The following COL20A1 variants were observed in gnomAD, a reference collection of about 807,000 sequenced individuals.
COL20A1 encodes collagen type XX alpha 1 chain, also known as collagen alpha-1(XX) chain.
In COL20A1, 164 loss-of-function variants were observed where a neutral mutation model predicts 152.9. That is an observed-to-expected ratio of 1.07 (90% CI 0.94 to 1.22). The LOEUF (loss-of-function observed/expected upper bound fraction) is 1.22. COL20A1 is among the 50% of genes most tolerant of loss of function. COL20A1 has a pLI of 0.00. For synonymous variants in COL20A1, 864 were observed against 756.0 expected (o/e 1.14, Z -2.34); for missense variants, 1,873 against 1,744.8 (o/e 1.07, Z -1.31).
rs533540378 is a variant in COL20A1, at chr20:63,306,314, G to A, written c.496+275G>A. 7.2e-6 allele frequency among the ~76,000 whole-genome samples: 1 copy of A among 139,804 alleles called. No homozygotes were observed. The highest frequency in any genetic ancestry group is 7.0e-5 in the Admixed American group (1 of 14,228). The allele number at this position is 139,804 out of a possible 152,430, so 91.7% of individuals were successfully genotyped here. On this transcript the variant is annotated intron_variant, in intron 5 of 35. Transcript: ENST00000358894. This position sits in a 1 kb window ranked among gnomAD's most constrained non-coding sequence, Gnocchi z 6.9. ...CGGTCTCTGACCACGAGGCCGGGAA[G>A]TTCTTCCTCGTGTCTGACCACACGG...
intron 6 of COL20A1, 43 bp downstream of exon 6, chr20:63,307,691 G>A: frequency 6.3e-7 from 1 of 1,589,638 alleles, no homozygotes; most frequent in Non-Finnish European, 8.6e-7. Flanking sequence ...CCCGGGTGTG[G>A]TCCCCACAGC....
Position 63,325,075 on chromosome 20 carries a change from G to A in COL20A1, c.3295-366G>A, listed in dbSNP as rs571896415. ...CTCTAGCTCTGCAGACCCCTGCTGTGGGTTCTCCCAGACCCTCCCAGGGTG... is the reference window on the plus strand; with the variant it reads ...CTCTAGCTCTGCAGACCCCTGCTGTAGGTTCTCCCAGACCCTCCCAGGGTG... On this transcript the variant is annotated intron_variant, in intron 27 of 35. Coordinates refer to ENST00000358894, the MANE Select transcript of COL20A1 (RefSeq NM_020882.4). The A allele has an allele frequency of 1.1e-3, 438 of 383,544 alleles. 4 individuals are homozygous for A. Among genetic ancestry groups the A allele is most frequent in the South Asian group, 8.8e-3 (418 of 47,728 alleles). The allele number at this position is 383,544 out of a possible 1,614,324, so 23.8% of individuals were successfully genotyped here.
intron 30 of COL20A1, among the ~76,000 whole-genome samples, chr20:63,326,392 A>G (rs1373895064): frequency 1.3e-5 from 2 of 152,092 alleles, no homozygotes; most frequent in Non-Finnish European, 2.9e-5. Flanking sequence ...GAGACCTTGG[A>G]GGGGGGTCTC....
intron 3 of COL20A1, among the ~76,000 whole-genome samples, chr20:63,302,099 A>G (rs184654569): frequency 1.3e-5 from 2 of 152,242 alleles, no homozygotes; most frequent in Non-Finnish European, 1.5e-5. Context: ...CGTGCGGCCA[A>G]TATTGTTTTA....
chr20:63,307,718 G>C, intron 6 of COL20A1, 70 bp downstream of exon 6: 1 of 1,528,856 alleles, frequency 6.5e-7, no homozygotes, highest in Middle Eastern at 1.8e-4. Flanking sequence ...AGAGGAGGCT[G>C]TGACCTGTGG....
At chr20:63,301,080 C>T (rs1327552017) in intron 3 of COL20A1, among the ~76,000 whole-genome samples, 1 of 152,122 alleles carries the variant, frequency 6.6e-6, no homozygotes, top group Non-Finnish European at 1.5e-5. Flanking sequence ...TTTGGGAGGC[C>T]AAGGTGGGCA....
At chr20:63,307,881 A>G in intron 6 of COL20A1, 90 bp from the exon 7 acceptor site, 1 of 1,485,982 alleles carries the variant, frequency 6.7e-7, no homozygotes, top group East Asian at 2.4e-5. Flanking sequence ...CCACAGAGGC[A>G]CGTGCAGCTC....
At chr20:63,308,154 A>G in intron 7 of COL20A1, 64 bp downstream of exon 7, 1 of 1,580,804 alleles carries the variant, frequency 6.3e-7, no homozygotes, top group Non-Finnish European at 8.6e-7. Context: ...GCCCTCCCAG[A>G]TCCCGAAAGC....
rs773040628 is a variant in COL20A1, at chr20:63,297,995, C to G, written c.168C>G (p.Tyr56Ter). Residue 56 changes from tyrosine (Y) to a stop codon, truncating the protein, a stop_gained, in exon 3 of 36, where the codon TAC becomes TAG. Coordinates refer to ENST00000358894, the MANE Select transcript of COL20A1 (RefSeq NM_020882.4). LOFTEE classifies it high-confidence loss of function. ...AGTCGGAGGGGAGCGGCCTCGGCTA[C>G]CTGGTGCAGGTGAAGCCCATGGCAG... ...WRESEGSGLG[Y>*]LVQVKPMAGD... 5 of 1,612,264 alleles carry G rather than the reference C, an allele frequency of 3.1e-6. No individual in the cohort carries two copies. Among genetic ancestry groups the G allele is most frequent in the Admixed American group, 3.3e-5 (2 of 60,016 alleles).
chr20:63,304,180 C>T (rs2067893719), intron 3 of COL20A1, among the ~76,000 whole-genome samples: 1 of 132,934 alleles, frequency 7.5e-6, no homozygotes, highest in African/African-American at 2.9e-5. Flanking sequence ...TTCCTCCCTC[C>T]AGGTGTGCAT....
chr20:63,310,168 C>G (rs2067985886), intron 10 of COL20A1, among the ~76,000 whole-genome samples: 1 of 152,140 alleles, frequency 6.6e-6, no homozygotes, highest in Non-Finnish European at 1.5e-5. Context: ...GGGTCAGACT[C>G]AGAGCGCCTT....
chr20:63,297,785 C>G, intron 2 of COL20A1, 125 bp from the exon 3 acceptor site: 1 of 702,544 alleles, frequency 1.4e-6, no homozygotes, highest in South Asian at 1.9e-5. Context: ...TCTGTCTCTT[C>G]GGGGTCCCCC....
chr20:63,300,984 T>C (rs2067856151), intron 3 of COL20A1, among the ~76,000 whole-genome samples: 1 of 152,234 alleles, frequency 6.6e-6, no homozygotes, highest in African/African-American at 2.4e-5. Context: ...CATTGCATTG[T>C]GGCCAGAAAT....
At chr20:63,317,196 C>G (rs540872598) in intron 21 of COL20A1, among the ~76,000 whole-genome samples, 1 of 152,140 alleles carries the variant, frequency 6.6e-6, no homozygotes, top group Non-Finnish European at 1.5e-5. Flanking sequence ...ATGATAAAGG[C>G]GGAAGCCAGG....
intron 27 of COL20A1, among the ~76,000 whole-genome samples, chr20:63,322,321 G>A (rs897662534): frequency 2.0e-5 from 3 of 152,150 alleles, no homozygotes; most frequent in African/African-American, 7.2e-5. Context: ...CCTGCAGGGC[G>A]CCTGGCCCAG....
intron 14 of COL20A1, 109 bp downstream of exon 14, chr20:63,312,164 G>A (rs938892880): frequency 2.0e-5 from 26 of 1,319,542 alleles, no homozygotes; most frequent in African/African-American, 7.4e-5. Flanking sequence ...AAACCACAGC[G>A]GCCACGAGGC....
Position 63,319,034 on chromosome 20 carries a change from C to T in COL20A1, c.2664-24C>T. On this transcript the variant is annotated intron_variant, in intron 21 of 35. Transcript: ENST00000358894. The surrounding 1 kb of genome is among the most constrained non-coding windows in gnomAD (Gnocchi z 4.4). Reference sequence around the variant, plus strand: ...GCTGCCCTTGGGTCTGCTCATGTGCCTCTCCCTCCCCCAACCCCCACAGTG... The same window carrying T: ...GCTGCCCTTGGGTCTGCTCATGTGCTTCTCCCTCCCCCAACCCCCACAGTG... 6.3e-7 allele frequency: 1 copy of T among 1,586,698 alleles called. No individual in the cohort carries two copies. Among genetic ancestry groups the T allele is most frequent in the Non-Finnish European group, 8.6e-7 (1 of 1,156,548 alleles).
intron 1 of COL20A1, among the ~76,000 whole-genome samples, chr20:63,294,502 CCT>C (rs1227787694): frequency 6.6e-6 from 1 of 152,030 alleles, no homozygotes; most frequent in Non-Finnish European, 1.5e-5. Flanking sequence ...TGGCGGCCTC[CCT>C]GTCTCGGCCT....
chr20:63,316,005 T>C (rs2068079129), intron 20 of COL20A1, among the ~76,000 whole-genome samples: 1 of 152,214 alleles, frequency 6.6e-6, no homozygotes, highest in Admixed American at 6.5e-5. Context: ...GGCTGGCACC[T>C]GCGGCTCTGC....
Sources: gnomAD v4.1 joint callset for allele counts (sites outside exome capture counted in the v4.1 genomes callset) on GRCh38, gnomAD v4.1.1 for gene constraint, Gnocchi (gnomAD v3.1) non-coding constraint, MANE v1.5 for transcripts, NCBI Gene and HGNC (gene_info 2026-07-23, HGNC 2026-07-21) for gene names.